Variants in UBE2S observed in about 807,000 individuals in gnomAD.
The protein encoded by UBE2S is ubiquitin-conjugating enzyme E2 S.
UBE2S carries 3 observed loss-of-function variants against 12.3 expected under a neutral mutation model. The observed-to-expected ratio is 0.24, with a 90% CI of 0.11 to 0.63. UBE2S has a LOEUF of 0.63. Ranked by LOEUF, UBE2S falls within the 30% of genes least tolerant of loss-of-function variation. The probability of loss-of-function intolerance (pLI) is 0.85; values close to 1 mark genes in which losing one functional copy is unlikely to be tolerated. For missense variants in UBE2S, 211 were observed against 313.9 expected, an observed-to-expected ratio of 0.67 and a Z score of 2.48; for synonymous variants, 133 against 142.0, an observed-to-expected ratio of 0.94 and a Z score of 0.45.
rs2090083979 is a variant in UBE2S at position 55,404,517 on chromosome 19, G to A, written c.152-39C>T. The stretch of plus-strand genomic sequence containing the variant: ...AGGGGTACAGGGTCAGGGCACTCAG[G>A]AGTCCCAAGGCACCTCAACACCCCA... On this transcript the variant is annotated intron_variant, in intron 2 of 3. Transcript: ENST00000264552. This position sits in a 1 kb window ranked among gnomAD's most constrained non-coding sequence, Gnocchi z 4.4. 6.5e-7 allele frequency: 1 copy of A among 1,542,498 alleles called. No homozygotes were observed. Among genetic ancestry groups the A allele is most frequent in the Non-Finnish European group, 8.8e-7 (1 of 1,141,474 alleles).
rs1358076881 is a variant in UBE2S at position 55,401,625 on chromosome 19, C to T, written c.480G>A (p.Gly160=). 3 of 1,605,348 alleles carry T rather than the reference C, an allele frequency of 1.9e-6. No homozygotes were observed. The highest frequency in any genetic ancestry group is 1.1e-5 in the South Asian group (1 of 90,674). The change falls in exon 4 of 4, where the codon GGG becomes GGA. Residue 160 remains glycine, a synonymous_variant. Transcript: ENST00000264552. ...GACCGGCTTCGGCCCTGCCGCTGGG[C>T]CCGCCGGCGCCCCCGTGGATCTCTG... ...LLTEIHGGAG[G]PSGRAEAGRA...
In UBE2S at chr19:55,401,317, G is replaced by A; in HGVS notation, c.*119C>T. On this transcript the variant is annotated 3_prime_UTR_variant, in exon 4 of 4. Coordinates refer to ENST00000264552, the MANE Select transcript of UBE2S (RefSeq NM_014501.3). ...AACTTTATTTAGAAAAACAAATCCA[G>A]GTCCCAGTGCCCCCTGTACCCTCCC... 2.1e-6 allele frequency: 2 copies of A among 945,956 alleles called. No homozygotes were observed. Among genetic ancestry groups the A allele is most frequent in the Admixed American group, 5.6e-5 (2 of 35,532 alleles). 58.6% of individuals were successfully genotyped at this position (945,956 alleles called of 1,614,324 possible). A position where few individuals can be genotyped will look rare whatever the true frequency, so the allele number is the denominator to read the frequency against.
At chr19:55,406,654 A>G (rs2090097845) in intron 2 of UBE2S, among the ~76,000 whole-genome samples, 161 bp downstream of exon 2, 1 of 152,356 alleles carries the variant, frequency 6.6e-6, no homozygotes, top group Admixed American at 6.5e-5. Flanking sequence ...GTGGGAAAAG[A>G]GTACATAATT....
rs140849989 is a variant in UBE2S, at chr19:55,404,586, C to T, written c.152-108G>A. ...CTGATTGTGATGCAGGTGGGTGCCC[C>T]GCCAACTCTGCCAACAGACTGGAGG... is the stretch of plus-strand genomic sequence containing the variant. On this transcript the variant is annotated intron_variant, in intron 2 of 3. Coordinates refer to ENST00000264552, the MANE Select transcript of UBE2S (RefSeq NM_014501.3). This position sits in a 1 kb window ranked among gnomAD's most constrained non-coding sequence, Gnocchi z 4.4. 16 of 1,005,060 alleles carry T rather than the reference C, an allele frequency of 1.6e-5. No homozygotes were observed. The East Asian group carries it at 2.4e-4, about 15-fold the overall frequency. The allele number at this position is 1,005,060 out of a possible 1,614,324, so 62.3% of individuals were successfully genotyped here.
chr19:55,403,261 T>C, intron 3 of UBE2S: 1 of 576,532 alleles, frequency 1.7e-6, no homozygotes, highest in East Asian at 2.8e-5. Context: ...TGGAACTGAG[T>C]TTTACGGCAT....
Position 55,407,578 on chromosome 19 carries a change from C to G in UBE2S, c.3+9G>C. On this transcript the variant is annotated intron_variant, in intron 1 of 3. Coordinates refer to ENST00000264552, the MANE Select transcript of UBE2S (RefSeq NM_014501.3). ...GACCACCTTCATGGGCCTCATCGCC[C>G]GTGCTCACCATGGCTGCGGCCGGCC... The G allele has an allele frequency of 6.7e-7, 1 of 1,490,138 alleles. No homozygotes were observed. The allele number at this position is 1,490,138 out of a possible 1,614,324, so 92.3% of individuals were successfully genotyped here. A position where few individuals can be genotyped will look rare whatever the true frequency, so the allele number is the denominator to read the frequency against.
At chr19:55,403,516 GGAAGAAAGAAAAAGGAAAGAAA>G (rs1477931657) in intron 3 of UBE2S, among the ~76,000 whole-genome samples, 2 of 146,570 alleles carry the variant, frequency 1.4e-5, no homozygotes, top group East Asian at 3.9e-4. Context: ...GGAAAGAAAG[GGAAGAAAGAAAAAGGAAAGAAA>G]GAAGAAAGAA....
rs1055118187 is a variant in UBE2S, at chr19:55,404,982, G to A, written c.152-504C>T. On this transcript the variant is annotated intron_variant, in intron 2 of 3. Coordinates refer to ENST00000264552, the MANE Select transcript of UBE2S (RefSeq NM_014501.3). This position sits in a 1 kb window ranked among gnomAD's most constrained non-coding sequence, Gnocchi z 4.4. ...TCCCAGCACTTTGGGAGGCTAAGGC[G>A]GGTGGATCACCTGAGGTCAGGAGTT... 6.6e-6 allele frequency among the ~76,000 whole-genome samples: 1 copy of A among 151,798 alleles called. No individual in the cohort carries two copies. The highest frequency in any genetic ancestry group is 1.5e-5 in the Non-Finnish European group (1 of 67,906).
chr19:55,406,143 T>C (rs543040752), intron 2 of UBE2S, among the ~76,000 whole-genome samples: 1 of 152,306 alleles, frequency 6.6e-6, no homozygotes, highest in South Asian at 2.1e-4. Context: ...CAAGGGCCTT[T>C]CTGGAGCCTT....
At position 55,404,646 on chromosome 19, in the gene UBE2S, G is replaced by T. The variant is rs114266061; in HGVS notation, c.152-168C>A. Reference sequence around the variant, plus strand: ...TTCTTTTTTTGAAATAAGGTCTCTTGTGTCACCCAGGCTGGAGTGCAGTGG... The same window carrying T: ...TTCTTTTTTTGAAATAAGGTCTCTTTTGTCACCCAGGCTGGAGTGCAGTGG... On this transcript the variant is annotated intron_variant, in intron 2 of 3. Transcript: ENST00000264552. The surrounding 1 kb of genome is among the most constrained non-coding windows in gnomAD (Gnocchi z 4.4). Among the ~76,000 whole-genome samples, 1,347 of 152,134 alleles carry T rather than the reference G, an allele frequency of 8.9e-3. 10 individuals are homozygous for T. The highest frequency in any genetic ancestry group is 0.03 in the African/African-American group (1,259 of 41,482).
In UBE2S at chr19:55,404,515, A is replaced by C; in HGVS notation, c.152-37T>G. On this transcript the variant is annotated intron_variant, in intron 2 of 3. Coordinates refer to ENST00000264552, the MANE Select transcript of UBE2S (RefSeq NM_014501.3). The surrounding 1 kb of genome is among the most constrained non-coding windows in gnomAD (Gnocchi z 4.4). ...GGAGGGGTACAGGGTCAGGGCACTC[A>C]GGAGTCCCAAGGCACCTCAACACCC... The C allele has an allele frequency of 6.5e-7, 1 of 1,542,154 alleles. No homozygotes were observed. The highest frequency in any genetic ancestry group is 8.8e-7 in the Non-Finnish European group (1 of 1,141,182).
chr19:55,401,496 G>A lies in UBE2S; in HGVS notation c.609C>T (p.Arg203=), dbSNP rs1320986420. ...GPMAKKHAGE[R]DKKLAAKKKT... is the part of the protein sequence containing the mutation. ...TTTTCTTGGCCGCCAGCTTCTTATC[G>A]CGCTCGCCAGCATGCTTCTTGGCCA... The change falls in exon 4 of 4, where the codon CGC becomes CGT. Residue 203 remains arginine (R), a synonymous_variant. Transcript: ENST00000264552. 9 of 1,609,358 alleles carry A rather than the reference G, an allele frequency of 5.6e-6. No homozygotes were observed. The highest frequency in any genetic ancestry group is 3.3e-5 in the South Asian group (3 of 90,962).
rs564905881 is a variant in UBE2S, at chr19:55,400,325, A to AT, written c.*1110dup. 1 of 152,118 alleles carries AT rather than the reference A, an allele frequency of 6.6e-6. No homozygotes were observed. The highest frequency in any genetic ancestry group is 2.4e-5 in the African/African-American group (1 of 41,426). 9.4% of individuals were successfully genotyped at this position (152,118 alleles called of 1,614,324 possible). A position where few individuals can be genotyped will look rare whatever the true frequency, so the allele number is the denominator to read the frequency against. ...AGCCATTGCGCCTGGCCTATTTTTA[A>AT]TTTTTTTAAAATTAATGAGACATTG... On this transcript the variant is annotated 3_prime_UTR_variant, in exon 4 of 4. Coordinates refer to ENST00000264552, the MANE Select transcript of UBE2S (RefSeq NM_014501.3).
At chr19:55,402,998 G>T in intron 3 of UBE2S, 2 of 1,534,188 alleles carry the variant, frequency 1.3e-6, no homozygotes, top group South Asian at 2.4e-5. Context: ...CACCAGCCTA[G>T]ACCAGGACGC....
At chr19:55,403,299 C>G in intron 3 of UBE2S, 1 of 570,238 alleles carries the variant, frequency 1.8e-6, no homozygotes, top group East Asian at 2.9e-5. Context: ...AAAAAAGCCT[C>G]TAATGAGACC....
chr19:55,403,110 T>C, intron 3 of UBE2S: 1 of 902,336 alleles, frequency 1.1e-6, no homozygotes, highest in Non-Finnish European at 1.8e-6. Context: ...CACTAGATGC[T>C]AGTGGCACCC....
chr19:55,407,382 C>A (rs1418705839), intron 1 of UBE2S, among the ~76,000 whole-genome samples: 1 of 152,158 alleles, frequency 6.6e-6, no homozygotes, highest in African/African-American at 2.4e-5. Flanking sequence ...CCGCAAAGCG[C>A]CCGGAGCCCT....
chr19:55,404,403 T>C lies in UBE2S; in HGVS notation c.227A>G (p.Lys76Arg), dbSNP rs2090083229. 1.9e-6 allele frequency: 3 copies of C among 1,613,662 alleles called. No individual in the cohort carries two copies. Among genetic ancestry groups the C allele is most frequent in the Non-Finnish European group, 2.5e-6 (3 of 1,179,706 alleles). Residue 76 changes from lysine (K) to arginine (R), a missense_variant, in exon 3 of 4, where the codon AAG (lysine) becomes AGG (arginine). Lys to Arg is a conservative substitution (Grantham distance 26, BLOSUM62 2). Transcript: ENST00000264552. This position sits in a 1 kb window ranked among gnomAD's most constrained non-coding sequence, Gnocchi z 4.4. ...GAAGATCTTGGTCAGGAAGTAGCCC[T>C]TGGGTGGGGAGGCAGGGAAGTCCTT... ...LGKDFPASPPKGYFLTKIFHP... is the reference protein window; with the variant it reads ...LGKDFPASPPRGYFLTKIFHP...
At chr19:55,403,991 C>G in intron 3 of UBE2S, 1 of 327,024 alleles carries the variant, frequency 3.1e-6, no homozygotes, top group Non-Finnish European at 5.7e-6. Flanking sequence ...TCCACCACAC[C>G]TGGCCTACCC....
Sources: gnomAD v4.1 joint callset for allele counts (sites outside exome capture counted in the v4.1 genomes callset) on GRCh38, gnomAD v4.1.1 for gene constraint, Gnocchi (gnomAD v3.1) non-coding constraint, MANE v1.5 for transcripts, NCBI Gene and HGNC (gene_info 2026-07-23, HGNC 2026-07-21) for gene names.